OXR1: variants seen among roughly 807,000 people sequenced by gnomAD.
The protein encoded by OXR1 is oxidation resistance protein 1.
A neutral mutation model predicts 104.6 loss-of-function variants in OXR1; 41 were observed. The observed-to-expected ratio is 0.39, with a 90% CI of 0.31 to 0.51. The LOEUF is 0.51. OXR1 is among the 20% of genes least tolerant of loss of function. The probability of loss-of-function intolerance (pLI) is 0.77; values close to 1 mark genes in which losing one functional copy is unlikely to be tolerated. For synonymous variants in OXR1, 348 were observed against 348.4 expected (o/e 1.00, Z 0.01); for missense variants, 955 against 1,031.9 (o/e 0.93, Z 1.02).
intron 2 of OXR1, among the ~76,000 whole-genome samples, chr8:106,377,522 A>C (rs1014963405): frequency 6.6e-6 from 1 of 152,166 alleles, no homozygotes; most frequent in Non-Finnish European, 1.5e-5. Context: ...TATTTGACGC[A>C]ATCAGGGTAA....
At chr8:106,284,321 G>A (rs1427616933) in intron 1 of OXR1, among the ~76,000 whole-genome samples, 1 of 151,990 alleles carries the variant, frequency 6.6e-6, no homozygotes, top group African/African-American at 2.4e-5. Flanking sequence ...GAAATAGGTT[G>A]GCACATATGA....
intron 2 of OXR1, among the ~76,000 whole-genome samples, chr8:106,430,434 C>T (rs919051452): frequency 8.5e-5 from 13 of 152,100 alleles, no homozygotes; most frequent in African/African-American, 2.9e-4. Context: ...TTAACAGCTG[C>T]CTCAGGAAGA....
At chr8:106,468,698 A>T (rs1285590146) in intron 2 of OXR1, among the ~76,000 whole-genome samples, 1 of 151,770 alleles carries the variant, frequency 6.6e-6, no homozygotes, top group African/African-American at 2.4e-5. Context: ...TTTATGGTTA[A>T]TATGGGCTAC....
chr8:106,306,603 G>A (rs1813474702), intron 1 of OXR1, among the ~76,000 whole-genome samples: 1 of 152,054 alleles, frequency 6.6e-6, no homozygotes, highest in African/African-American at 2.4e-5. Context: ...AGAGAAAATG[G>A]TGTACTGTTA....
intron 1 of OXR1, among the ~76,000 whole-genome samples, chr8:106,344,550 G>A (rs1197751542): frequency 6.6e-6 from 1 of 152,072 alleles, no homozygotes; most frequent in Admixed American, 6.5e-5. Flanking sequence ...TTTTAGCCAG[G>A]ATGGTCTTGA....
intron 2 of OXR1, among the ~76,000 whole-genome samples, chr8:106,364,563 G>A (rs1434001812): frequency 1.3e-5 from 2 of 152,050 alleles, no homozygotes; most frequent in Non-Finnish European, 2.9e-5. Context: ...CTGGGTGACA[G>A]GGCAAGACTC....
chr8:106,591,870 T>A (rs1819120782), intron 3 of OXR1, among the ~76,000 whole-genome samples: 1 of 152,224 alleles, frequency 6.6e-6, no homozygotes, highest in Admixed American at 6.5e-5. Context: ...ATGTAATAAC[T>A]TGATGGGAAA....
Position 106,740,096 on chromosome 8 carries a change from A to T in OXR1, c.2164-247A>T, listed in dbSNP as rs910850568. On this transcript the variant is annotated intron_variant, in intron 13 of 16. Coordinates refer to ENST00000517566, the MANE Select transcript of OXR1 (RefSeq NM_001198533.2). ...AAGCATTAAGTAATCTATGTTTCTT[A>T]TCTCTGTTCTAATCTGTGTCTGGTT... is the stretch of plus-strand genomic sequence containing the variant. 7 of 351,232 alleles carry T rather than the reference A, an allele frequency of 2.0e-5. No individual in the cohort carries two copies. The Admixed American group carries it at 2.7e-4, about 13-fold the overall frequency. The allele number at this position is 351,232 out of a possible 1,614,324, so 21.8% of individuals were successfully genotyped here.
At chr8:106,320,444 A>G (rs1317726157) in intron 1 of OXR1, among the ~76,000 whole-genome samples, 2 of 152,178 alleles carry the variant, frequency 1.3e-5, no homozygotes, top group Non-Finnish European at 2.9e-5. Flanking sequence ...CTTACCCTTT[A>G]ACATTTGTCT....
intron 2 of OXR1, among the ~76,000 whole-genome samples, chr8:106,436,807 C>CCT (rs1316123602): frequency 1.3e-5 from 2 of 152,150 alleles, no homozygotes; most frequent in East Asian, 3.9e-4. Context: ...ACCAGCCATG[C>CCT]CTCTCTCCCT....
At chr8:106,408,058 G>T (rs778027355) in intron 2 of OXR1, among the ~76,000 whole-genome samples, 4 of 152,164 alleles carry the variant, frequency 2.6e-5, no homozygotes, top group Non-Finnish European at 5.9e-5. Flanking sequence ...GTAGTACCTA[G>T]TGGGTGCAGG....
At chr8:106,405,916 T>C (rs1302721172) in intron 2 of OXR1, among the ~76,000 whole-genome samples, 1 of 152,216 alleles carries the variant, frequency 6.6e-6, no homozygotes, top group Non-Finnish European at 1.5e-5. Flanking sequence ...GATAGATAAC[T>C]GATACACCAA....
chr8:106,379,031 A>C (rs560174113), intron 2 of OXR1, among the ~76,000 whole-genome samples: 1 of 152,294 alleles, frequency 6.6e-6, no homozygotes, highest in Non-Finnish European at 1.5e-5. Flanking sequence ...AATCAGGATA[A>C]GTTAGCCGTA....
At chr8:106,707,912 CATAAA>C (rs1486510326) in intron 9 of OXR1, among the ~76,000 whole-genome samples, 11 of 152,120 alleles carry the variant, frequency 7.2e-5, no homozygotes, top group Admixed American at 2.6e-4. Flanking sequence ...TGCTGTAATA[CATAAA>C]ATAAAATTTA....
intron 9 of OXR1, among the ~76,000 whole-genome samples, chr8:106,709,946 C>T (rs1306211553): frequency 6.6e-6 from 1 of 152,008 alleles, no homozygotes; most frequent in Admixed American, 6.6e-5. Flanking sequence ...ATGATGAGTA[C>T]CCAGGTCTCC....
intron 2 of OXR1, among the ~76,000 whole-genome samples, chr8:106,463,367 G>A (rs1443484658): frequency 6.6e-6 from 1 of 152,034 alleles, no homozygotes; most frequent in Non-Finnish European, 1.5e-5. Flanking sequence ...TCAATCGAAG[G>A]CAGTATTTCT....
At chr8:106,580,741 T>C (rs1214140657) in intron 3 of OXR1, among the ~76,000 whole-genome samples, 1 of 152,200 alleles carries the variant, frequency 6.6e-6, no homozygotes, top group East Asian at 1.9e-4. Context: ...CACTTGCTAT[T>C]GTCTGTAAAA....
intron 2 of OXR1, among the ~76,000 whole-genome samples, chr8:106,386,451 G>A (rs1162140795): frequency 6.6e-6 from 1 of 152,160 alleles, no homozygotes; most frequent in Non-Finnish European, 1.5e-5. Context: ...ATGACAAAAA[G>A]CATTGCATTT....
chr8:106,282,899 G>C (rs7003604), intron 1 of OXR1, among the ~76,000 whole-genome samples: 39,769 of 152,046 alleles, frequency 0.26, 6,572 homozygotes, highest in African/African-American at 0.47. Flanking sequence ...TTTGATAACT[G>C]TTTCTCATTG....
Sources: allele counts gnomAD v4.1 joint callset (sites outside exome capture counted in the v4.1 genomes callset), GRCh38; gene constraint gnomAD v4.1.1; transcripts MANE v1.5; gene names NCBI Gene and HGNC (gene_info 2026-07-23, HGNC 2026-07-21).